The following ADAMTSL1 variants were observed in gnomAD, a reference collection of about 807,000 sequenced individuals.
The protein encoded by ADAMTSL1 is ADAMTS-like protein 1.
A neutral mutation model predicts 201.8 loss-of-function variants in ADAMTSL1; 126 were observed. That is an observed-to-expected ratio of 0.62 (90% confidence interval 0.54 to 0.72). The LOEUF is 0.72. Among genes scored for constraint, ADAMTSL1 ranks in the 30% least tolerant of loss-of-function variants. The pLI is 0.00. For missense variants in ADAMTSL1, 2,679 were observed against 2,277.8 expected (o/e 1.18, Z -3.59); for synonymous variants, 1,121 against 903.4 (o/e 1.24, Z -4.32).
chr9:18,595,550 T>G (rs949682), intron 4 of ADAMTSL1, among the ~76,000 whole-genome samples: 95,555 of 152,032 alleles, frequency 0.63, 30,192 homozygotes, highest in East Asian at 0.72. Context: ...GGAATCTGCT[T>G]TGGGACAGAA....
At chr9:18,646,322 A>G (rs1039298395) in intron 7 of ADAMTSL1, among the ~76,000 whole-genome samples, 1 of 152,206 alleles carries the variant, frequency 6.6e-6, no homozygotes, top group Non-Finnish European at 1.5e-5. Context: ...ATATACAATC[A>G]TGTCATCTTC....
chr9:17,985,747 A>G (rs1056444579), intron 1 of ADAMTSL1, among the ~76,000 whole-genome samples: 1 of 152,138 alleles, frequency 6.6e-6, no homozygotes, highest in Non-Finnish European at 1.5e-5. Context: ...CTTTCATTTT[A>G]TAAATGAGCA....
At chr9:18,457,804 A>G (rs1324993628) in intron 2 of ADAMTSL1, among the ~76,000 whole-genome samples, 1 of 152,206 alleles carries the variant, frequency 6.6e-6, no homozygotes, top group Non-Finnish European at 1.5e-5. Flanking sequence ...TGCAAAAAGA[A>G]TTCCTAATTG....
chr9:18,745,716 A>G (rs189027998), intron 15 of ADAMTSL1, among the ~76,000 whole-genome samples: 1 of 152,350 alleles, frequency 6.6e-6, no homozygotes, highest in East Asian at 1.9e-4. Flanking sequence ...CTATCCATCT[A>G]TTAAAAACCA....
chr9:18,184,365 AT>A (rs1381116913), intron 2 of ADAMTSL1, among the ~76,000 whole-genome samples: 1 of 152,150 alleles, frequency 6.6e-6, no homozygotes, highest in Non-Finnish European at 1.5e-5. Flanking sequence ...GGAAATATCA[AT>A]TTTTCTCAAG....
chr9:18,582,257 A>C (rs1408144539), intron 4 of ADAMTSL1, among the ~76,000 whole-genome samples: 3 of 152,186 alleles, frequency 2.0e-5, no homozygotes, highest in Non-Finnish European at 2.9e-5. Flanking sequence ...CTTTTTGTTT[A>C]ACAGTTCATC....
At chr9:18,883,483 G>A (rs949566190) in intron 23 of ADAMTSL1, among the ~76,000 whole-genome samples, 1 of 152,146 alleles carries the variant, frequency 6.6e-6, no homozygotes, top group Non-Finnish European at 1.5e-5. Context: ...TAAGTGCACA[G>A]TTTGATGCCA....
intron 1 of ADAMTSL1, among the ~76,000 whole-genome samples, chr9:17,933,387 T>G (rs998801575): frequency 3.9e-5 from 6 of 152,150 alleles, no homozygotes; most frequent in Non-Finnish European, 7.4e-5. Flanking sequence ...CTGAAATTCC[T>G]TAACTTACCT....
chr9:18,067,604 C>T (rs1183205284), intron 1 of ADAMTSL1, among the ~76,000 whole-genome samples: 2 of 152,152 alleles, frequency 1.3e-5, no homozygotes, highest in Non-Finnish European at 2.9e-5. Context: ...TTCTTGAGGC[C>T]ATTACCTAAT....
At chr9:18,740,044 G>A (rs1818729870) in intron 15 of ADAMTSL1, among the ~76,000 whole-genome samples, 3 of 152,250 alleles carry the variant, frequency 2.0e-5, no homozygotes, top group African/African-American at 7.2e-5. Context: ...CTCTGCATGG[G>A]AAATGGCTTC....
chr9:18,728,905 TCAGATTTG>T (rs1818055650), intron 15 of ADAMTSL1, among the ~76,000 whole-genome samples: 1 of 152,198 alleles, frequency 6.6e-6, no homozygotes, highest in African/African-American at 2.4e-5. Context: ...TGTGGAACCG[TCAGATTTG>T]CTTAGAGAAA....
chr9:18,428,566 G>C (rs1038929048), intron 2 of ADAMTSL1, among the ~76,000 whole-genome samples: 2 of 152,068 alleles, frequency 1.3e-5, no homozygotes, highest in Admixed American at 1.3e-4. Flanking sequence ...GCTACAGTGA[G>C]CTGTGATGAC....
intron 1 of ADAMTSL1, among the ~76,000 whole-genome samples, chr9:17,950,636 G>A (rs1229341223): frequency 6.6e-6 from 1 of 151,884 alleles, no homozygotes; most frequent in African/African-American, 2.4e-5. Flanking sequence ...ACTGGTTCAT[G>A]AATTTTAATG....
intron 5 of ADAMTSL1, among the ~76,000 whole-genome samples, chr9:18,624,694 G>GGA (rs1481002196): frequency 6.6e-6 from 1 of 152,112 alleles, no homozygotes; most frequent in Non-Finnish European, 1.5e-5. Flanking sequence ...TGTTAGGGAG[G>GGA]GATGGGTGAC....
At chr9:18,115,506 A>G (rs1436238411) in intron 1 of ADAMTSL1, among the ~76,000 whole-genome samples, 2 of 152,202 alleles carry the variant, frequency 1.3e-5, no homozygotes, top group Non-Finnish European at 2.9e-5. Flanking sequence ...ACACACACCA[A>G]TGATAGTGGT....
intron 2 of ADAMTSL1, among the ~76,000 whole-genome samples, chr9:18,186,447 A>T (rs181823344): frequency 3.9e-5 from 6 of 152,170 alleles, no homozygotes; most frequent in Admixed American, 3.9e-4. Flanking sequence ...AGGAATTTGA[A>T]GCTTTGTTGC....
At position 17,915,193 on chromosome 9, in the gene ADAMTSL1, G is replaced by A. The variant is rs182491200; in HGVS notation, c.87+8271G>A. Among the ~76,000 whole-genome samples the A allele has an allele frequency of 2.6e-5, 4 of 152,246 alleles. No homozygotes were observed. The East Asian group carries it at 7.7e-4, about 29-fold the overall frequency. The stretch of plus-strand genomic sequence containing the variant: ...ATGTCTTCCTCCCTCCTGTCCTTGA[G>A]TCCAGCATCATCAGGCAAATAATGA... On this transcript the variant is annotated intron_variant, in intron 1 of 29. Coordinates refer to the ADAMTSL1 transcript ENST00000680146.
intron 2 of ADAMTSL1, among the ~76,000 whole-genome samples, chr9:18,181,332 C>T (rs972392254): frequency 3.3e-5 from 5 of 152,088 alleles, no homozygotes; most frequent in African/African-American, 1.2e-4. Context: ...AAGAAATTAC[C>T]ATCAGAGTGA....
chr9:18,634,449 G>C (rs1826970752), intron 5 of ADAMTSL1, among the ~76,000 whole-genome samples: 1 of 152,044 alleles, frequency 6.6e-6, no homozygotes, highest in Non-Finnish European at 1.5e-5. Flanking sequence ...TGCAGTCCCA[G>C]CTACTTGGGG....
Sources: allele counts gnomAD v4.1 joint callset (sites outside exome capture counted in the v4.1 genomes callset), GRCh38; gene constraint gnomAD v4.1.1; transcripts MANE v1.5; gene names NCBI Gene and HGNC (gene_info 2026-07-23, HGNC 2026-07-21).